WDFY3: variants seen among roughly 807,000 people sequenced by gnomAD.
WDFY3 encodes the protein WD repeat and FYVE domain containing 3.
In WDFY3, 66 loss-of-function variants were observed where a neutral mutation model predicts 409.6. The ratio of observed to expected loss-of-function variants is 0.16; its 90% CI spans 0.13 to 0.20. The LOEUF (loss-of-function observed/expected upper bound fraction) is 0.20, where lower values mean the gene tolerates loss of function less well. WDFY3 is among the 10% of genes least tolerant of loss of function. The pLI, the probability that WDFY3 is intolerant of heterozygous loss-of-function variation, is 1.00. For missense variants in WDFY3, 3,031 were observed against 4,298.1 expected, an observed-to-expected ratio of 0.71 and a Z score of 8.24; for synonymous variants, 1,521 against 1,537.1, an observed-to-expected ratio of 0.99 and a Z score of 0.25.
intron 3 of WDFY3, among the ~76,000 whole-genome samples, chr4:84,872,516 T>C (rs1333814644): frequency 3.4e-5 from 5 of 148,162 alleles, no homozygotes; most frequent in African/African-American, 1.2e-4. Flanking sequence ...AAAGAAATCA[T>C]AGAAAATGCT....
intron 2 of WDFY3, among the ~76,000 whole-genome samples, chr4:84,930,736 T>C (rs1271933443): frequency 6.6e-6 from 1 of 152,214 alleles, no homozygotes; most frequent in Non-Finnish European, 1.5e-5. Context: ...GATGAAAGGA[T>C]ATACAAACTG....
intron 1 of WDFY3, among the ~76,000 whole-genome samples, chr4:84,944,653 G>T (rs980612391): frequency 6.8e-6 from 1 of 147,538 alleles, no homozygotes; most frequent in South Asian, 2.2e-4. Flanking sequence ...GTGAAACAAC[G>T]TCTCTACTAA....
At chr4:84,727,024 A>T (rs762372787) in intron 44 of WDFY3, 113 bp from the exon 45 acceptor site, 4 of 870,520 alleles carry the variant, frequency 4.6e-6, no homozygotes, top group Non-Finnish European at 5.3e-6. Flanking sequence ...AGTTACTCAA[A>T]CAAAATTAAC....
intron 2 of WDFY3, among the ~76,000 whole-genome samples, chr4:84,918,908 C>A (rs1261303084): frequency 6.6e-6 from 1 of 151,042 alleles, no homozygotes; most frequent in African/African-American, 2.4e-5. Flanking sequence ...CTGATAGGGC[C>A]CAGAAGCAAA....
intron 33 of WDFY3, among the ~76,000 whole-genome samples, chr4:84,756,265 C>T (rs1363489346): frequency 6.6e-6 from 1 of 152,100 alleles, no homozygotes; most frequent in East Asian, 1.9e-4. Context: ...TAAGCCACTC[C>T]TTTCATTTTT....
chr4:84,782,010 A>G (rs1578490264), intron 25 of WDFY3, among the ~76,000 whole-genome samples: 1 of 152,210 alleles, frequency 6.6e-6, no homozygotes, highest in South Asian at 2.1e-4. Flanking sequence ...TTACACATTA[A>G]AAGTCACAAT....
chr4:84,929,096 T>A (rs538794749), intron 2 of WDFY3, among the ~76,000 whole-genome samples: 21 of 152,280 alleles, frequency 1.4e-4, no homozygotes, highest in African/African-American at 4.8e-4. Context: ...CCGTCTCTTG[T>A]TAGCTTGCAC....
At chr4:84,782,299 A>C (rs560029586) in intron 25 of WDFY3, among the ~76,000 whole-genome samples, 5 of 152,256 alleles carry the variant, frequency 3.3e-5, no homozygotes, top group Non-Finnish European at 7.3e-5. Context: ...ATGTAATTTG[A>C]AATTTACCTA....
intron 1 of WDFY3, among the ~76,000 whole-genome samples, chr4:84,942,368 T>C (rs1280741080): frequency 6.6e-6 from 1 of 151,998 alleles, no homozygotes; most frequent in East Asian, 1.9e-4. Flanking sequence ...TTAAAAAGAA[T>C]AAAAGATGTC....
chr4:84,885,555 A>C (rs747155806), intron 3 of WDFY3, among the ~76,000 whole-genome samples: 1 of 152,186 alleles, frequency 6.6e-6, no homozygotes, highest in Non-Finnish European at 1.5e-5. Flanking sequence ...AAGAATTAGA[A>C]TATAGAATTT....
At chr4:84,782,655 G>C (rs1022851739) in intron 25 of WDFY3, among the ~76,000 whole-genome samples, 1 of 152,166 alleles carries the variant, frequency 6.6e-6, no homozygotes, top group African/African-American at 2.4e-5. Context: ...TTCTGTTCTT[G>C]TGTTAGTTTG....
chr4:84,826,496 G>A (rs906762384), intron 10 of WDFY3, among the ~76,000 whole-genome samples: 4 of 152,098 alleles, frequency 2.6e-5, no homozygotes, highest in Non-Finnish European at 4.4e-5. Context: ...TTCTATCCAC[G>A]TAAAGTAGAA....
chr4:84,688,249 G>A lies in WDFY3; in HGVS notation c.9380C>T (p.Thr3127Ile). The A allele has an allele frequency of 6.2e-7, 1 of 1,613,958 alleles. No individual in the cohort carries two copies. Among genetic ancestry groups the A allele is most frequent in the South Asian group, 1.1e-5 (1 of 91,056 alleles). Reference sequence around the variant, plus strand: ...TGCTGTGGCGCAGGTGACGGTATCAGTGTGGCCCAGTAAGGCCTACGAATG... The same window carrying A: ...TGCTGTGGCGCAGGTGACGGTATCAATGTGGCCCAGTAAGGCCTACGAATG... ...VTLKQALLGH[T>I]DTVTCATASL... Residue 3127 changes from threonine (T) to isoleucine (I), a missense_variant, in exon 62 of 68, where the codon ACT (threonine) becomes ATT (isoleucine). Thr to Ile is a moderately conservative substitution (Grantham distance 89, BLOSUM62 -1). Transcript: ENST00000295888.
chr4:84,882,403 G>T (rs935529246), intron 3 of WDFY3, among the ~76,000 whole-genome samples: 4 of 152,142 alleles, frequency 2.6e-5, no homozygotes, highest in Non-Finnish European at 5.9e-5. Context: ...CTGACACACT[G>T]AAGATGCTTA....
At chr4:84,764,383 A>AT in intron 32 of WDFY3, among the ~76,000 whole-genome samples, 1 of 152,328 alleles carries the variant, frequency 6.6e-6, no homozygotes, top group Middle Eastern at 3.4e-3. Context: ...AATGTGATCT[A>AT]TTTTTTGAGC....
chr4:84,827,964 G>A (rs1346757899), intron 9 of WDFY3, among the ~76,000 whole-genome samples: 1 of 151,824 alleles, frequency 6.6e-6, no homozygotes, highest in Non-Finnish European at 1.5e-5. Flanking sequence ...ATAAAATATA[G>A]CTGGGTGTAG....
chr4:84,730,710 T>C (rs1032741083), intron 44 of WDFY3, among the ~76,000 whole-genome samples: 3 of 152,142 alleles, frequency 2.0e-5, no homozygotes, highest in African/African-American at 7.2e-5. Flanking sequence ...TTTTGCTTCC[T>C]AGGCCATATT....
chr4:84,868,129 G>GCA (rs1300347941), intron 3 of WDFY3, among the ~76,000 whole-genome samples: 1 of 117,210 alleles, frequency 8.5e-6, no homozygotes, highest in Non-Finnish European at 1.6e-5. Context: ...CCGAGATCAT[G>GCA]CCACTGCACT....
chr4:84,841,336 C>G (rs934488390), intron 5 of WDFY3, 73 bp from the exon 6 acceptor site: 2 of 1,295,896 alleles, frequency 1.5e-6, no homozygotes, highest in Non-Finnish European at 2.2e-6. Flanking sequence ...TAAAACCTAC[C>G]AAGGAAATGA....
Sources: gnomAD v4.1 joint callset for allele counts (sites outside exome capture counted in the v4.1 genomes callset) on GRCh38, gnomAD v4.1.1 for gene constraint, MANE v1.5 for transcripts, NCBI Gene and HGNC (gene_info 2026-07-23, HGNC 2026-07-21) for gene names.